Variants in KLF12 observed in about 807,000 individuals in gnomAD.
KLF12 encodes the protein Krueppel-like factor 12.
KLF12 carries 9 observed loss-of-function variants against 37.8 expected under a neutral mutation model. The observed-to-expected ratio is 0.24, with a 90% CI of 0.14 to 0.42. The LOEUF (loss-of-function observed/expected upper bound fraction) is 0.42. KLF12 is among the 10% of genes least tolerant of loss of function. KLF12 has a pLI of 1.00. For synonymous variants in KLF12, 208 were observed against 202.1 expected, an observed-to-expected ratio of 1.03 and a Z score of -0.25; for missense variants, 411 against 516.0, an observed-to-expected ratio of 0.80 and a Z score of 1.97.
chr13:74,205,331 T>A, the KLF12 span, among the ~76,000 whole-genome samples: 28 of 152,236 alleles, frequency 1.8e-4, no homozygotes, highest in East Asian at 4.1e-3. Flanking sequence ...TCTGACAAAA[T>A]CTGGGGTGAT....
chr13:73,740,420 T>C (rs1877887197), intron 6 of KLF12, among the ~76,000 whole-genome samples: 2 of 152,238 alleles, frequency 1.3e-5, no homozygotes, highest in Non-Finnish European at 2.9e-5. Flanking sequence ...GTTACAGTAG[T>C]TGAAAAAGAC....
At chr13:74,286,840 C>T in the KLF12 span, among the ~76,000 whole-genome samples, 1 of 152,126 alleles carries the variant, frequency 6.6e-6, no homozygotes, top group African/African-American at 2.4e-5. Context: ...TTCAGTGTGC[C>T]TTCCATGAGT....
chr13:74,175,043 A>T, the KLF12 span, among the ~76,000 whole-genome samples: 1 of 152,178 alleles, frequency 6.6e-6, no homozygotes, highest in African/African-American at 2.4e-5. Flanking sequence ...AGATGCCACA[A>T]GCATGGAGCC....
At chr13:73,767,345 T>G (rs544260290) in intron 5 of KLF12, among the ~76,000 whole-genome samples, 1 of 152,342 alleles carries the variant, frequency 6.6e-6, no homozygotes, top group East Asian at 1.9e-4. Flanking sequence ...TTCTTGCACC[T>G]GCATCTAGGC....
intron 3 of KLF12, among the ~76,000 whole-genome samples, chr13:73,929,421 T>A (rs919425279): frequency 3.3e-5 from 5 of 152,200 alleles, no homozygotes; most frequent in Non-Finnish European, 7.4e-5. Flanking sequence ...TTACACAAAG[T>A]GTCAGAGTAG....
chr13:73,816,940 C>T (rs774307114), intron 4 of KLF12, among the ~76,000 whole-genome samples: 2 of 152,198 alleles, frequency 1.3e-5, no homozygotes, highest in African/African-American at 4.8e-5. Flanking sequence ...CCATGAGTGA[C>T]CCCAGGTGAG....
At chr13:74,013,177 C>T (rs1465828288) in intron 1 of KLF12, among the ~76,000 whole-genome samples, 1 of 152,212 alleles carries the variant, frequency 6.6e-6, no homozygotes, top group African/African-American at 2.4e-5. Flanking sequence ...CCAGGCTGTG[C>T]CTGAAGTTAC....
the KLF12 span, among the ~76,000 whole-genome samples, chr13:74,142,448 G>A: frequency 2.0e-5 from 3 of 152,210 alleles, no homozygotes; most frequent in South Asian, 2.1e-4. Context: ...CCTTTGACAG[G>A]TTGCTTAATT....
chr13:73,696,341 C>T lies in KLF12; in HGVS notation c.1028-670G>A, dbSNP rs184757710. Among the ~76,000 whole-genome samples, 29 of 152,256 alleles carry T rather than the reference C, an allele frequency of 1.9e-4. 1 individual carries two copies. The highest frequency in any genetic ancestry group is 6.7e-4 in the African/African-American group (28 of 41,538). The stretch of plus-strand genomic sequence containing the variant: ...GCCCTGAGAAATCATCACGTTGGTC[C>T]TAGAGCTAAAATTCACAGAGAAAAG... On this transcript the variant is annotated intron_variant, in intron 7 of 7. Coordinates refer to ENST00000377669, the MANE Select transcript of KLF12 (RefSeq NM_007249.5).
chr13:74,211,427 A>T, the KLF12 span, among the ~76,000 whole-genome samples: 1 of 152,138 alleles, frequency 6.6e-6, no homozygotes, highest in Admixed American at 6.6e-5. Flanking sequence ...GTTGGATAGG[A>T]TGTTGAAATG....
the KLF12 span, among the ~76,000 whole-genome samples, chr13:74,173,939 T>A: frequency 6.6e-6 from 1 of 152,206 alleles, no homozygotes; most frequent in East Asian, 1.9e-4. Context: ...TCCTTGGTAA[T>A]ACAATTCCTG....
chr13:73,959,312 A>ATC (rs1890949053), intron 2 of KLF12, among the ~76,000 whole-genome samples: 1 of 151,950 alleles, frequency 6.6e-6, no homozygotes, highest in South Asian at 2.1e-4. Context: ...TCCAATTGTC[A>ATC]TTGTCCCATA....
chr13:74,009,237 T>C (rs1892487424), intron 1 of KLF12, among the ~76,000 whole-genome samples: 1 of 152,222 alleles, frequency 6.6e-6, no homozygotes, highest in South Asian at 2.1e-4. Flanking sequence ...TGTCACTATC[T>C]TGAAAATTTT....
chr13:73,708,831 G>T (rs1422096228), intron 7 of KLF12, among the ~76,000 whole-genome samples: 1 of 152,048 alleles, frequency 6.6e-6, no homozygotes, highest in Non-Finnish European at 1.5e-5. Context: ...AATTTAAATG[G>T]CAATGCATAC....
the KLF12 span, among the ~76,000 whole-genome samples, chr13:74,214,820 A>G: frequency 6.6e-6 from 1 of 151,730 alleles, no homozygotes; most frequent in Non-Finnish European, 1.5e-5. Flanking sequence ...TTTGAGATGG[A>G]GTCTCACTCT....
At chr13:74,074,150 G>A (rs1362227609) in intron 1 of KLF12, among the ~76,000 whole-genome samples, 1 of 151,860 alleles carries the variant, frequency 6.6e-6, no homozygotes, top group African/African-American at 2.4e-5. Context: ...TCATTCGAGA[G>A]AGAGAGAGAG....
At chr13:73,884,321 C>T (rs916222614) in intron 3 of KLF12, among the ~76,000 whole-genome samples, 3 of 152,174 alleles carry the variant, frequency 2.0e-5, no homozygotes, top group East Asian at 1.9e-4. Context: ...AGCGCAAATA[C>T]GGCCCACAAA....
chr13:74,050,022 T>TA (rs1872806121), intron 1 of KLF12, among the ~76,000 whole-genome samples: 1 of 152,066 alleles, frequency 6.6e-6, no homozygotes, highest in Non-Finnish European at 1.5e-5. Flanking sequence ...AGGAAGGACT[T>TA]ACGTTTACAG....
chr13:73,815,495 C>G (rs1883166496), intron 4 of KLF12, among the ~76,000 whole-genome samples: 1 of 152,152 alleles, frequency 6.6e-6, no homozygotes, highest in Admixed American at 6.6e-5. Context: ...CAGCTAGGAA[C>G]TCATAGATAG....
Sources: allele counts gnomAD v4.1 joint callset (sites outside exome capture counted in the v4.1 genomes callset), GRCh38; gene constraint gnomAD v4.1.1; transcripts MANE v1.5; gene names NCBI Gene and HGNC (gene_info 2026-07-23, HGNC 2026-07-21).